The following RLN2 variants were observed in gnomAD, a reference collection of about 807,000 sequenced individuals.
RLN2 encodes relaxin 2.
Under a neutral mutation model 7.3 loss-of-function variants are expected in RLN2, and 10 were observed. The ratio of observed to expected loss-of-function variants is 1.36; its 90% CI spans 0.84 to 2.31. RLN2 has a LOEUF of 2.31. RLN2 is among the 30% of genes most tolerant of loss of function. RLN2 has a pLI of 0.00. For synonymous variants in RLN2, 103 were observed against 82.3 expected (o/e 1.25, Z -1.36); for missense variants, 298 against 217.6 (o/e 1.37, Z -2.32).
the RLN2 span, among the ~76,000 whole-genome samples, chr9:5,324,538 T>C: frequency 6.6e-6 from 1 of 152,030 alleles, no homozygotes; most frequent in Non-Finnish European, 1.5e-5. Flanking sequence ...TTCTAATTTG[T>C]CTTTGGTAAA....
At chr9:5,319,578 G>A in the RLN2 span, among the ~76,000 whole-genome samples, 2 of 152,064 alleles carry the variant, frequency 1.3e-5, no homozygotes, top group South Asian at 4.2e-4. Context: ...ACTAGGGTTT[G>A]GGTAAAGTTA....
chr9:5,329,895 C>T, the RLN2 span, among the ~76,000 whole-genome samples: 3 of 152,162 alleles, frequency 2.0e-5, no homozygotes, highest in South Asian at 4.1e-4. Flanking sequence ...GAACTCAGCT[C>T]TGCACCAAGC....
At chr9:5,324,263 T>G in the RLN2 span, among the ~76,000 whole-genome samples, 1 of 152,018 alleles carries the variant, frequency 6.6e-6, no homozygotes, top group African/African-American at 2.4e-5. Context: ...ACAGATAGAT[T>G]TTCCAAGAGA....
chr9:5,301,065 T>C (rs988857717), intron 1 of RLN2, among the ~76,000 whole-genome samples: 1 of 152,206 alleles, frequency 6.6e-6, no homozygotes, highest in Non-Finnish European at 1.5e-5. Context: ...ACAATAGTAT[T>C]TTATATGAAA....
the RLN2 span, among the ~76,000 whole-genome samples, chr9:5,333,466 G>T: frequency 1.3e-5 from 2 of 151,966 alleles, no homozygotes; most frequent in Non-Finnish European, 2.9e-5. Context: ...TCTCAAGACT[G>T]AACCAGGAAG....
At chr9:5,321,614 G>C in the RLN2 span, among the ~76,000 whole-genome samples, 4 of 151,976 alleles carry the variant, frequency 2.6e-5, no homozygotes, top group African/African-American at 9.7e-5. Context: ...GGGATGGAGG[G>C]AAGGGATGCA....
At chr9:5,336,142 G>C in the RLN2 span, among the ~76,000 whole-genome samples, 1 of 151,992 alleles carries the variant, frequency 6.6e-6, no homozygotes, top group Non-Finnish European at 1.5e-5. Context: ...TAATCAGCAG[G>C]AGAAGGAAAT....
the RLN2 span, among the ~76,000 whole-genome samples, chr9:5,324,628 T>A: frequency 2.6e-5 from 4 of 152,138 alleles, no homozygotes; most frequent in African/African-American, 9.6e-5. Context: ...AAATTTGTGT[T>A]TACTGAACAT....
the RLN2 span, among the ~76,000 whole-genome samples, chr9:5,331,866 G>T: frequency 2.4e-3 from 361 of 151,858 alleles, 11 homozygotes; most frequent in East Asian, 0.049. Context: ...CTCTTTGGAG[G>T]GCACAATTTT....
In RLN2 at chr9:5,300,165, T is replaced by C. The variant is rs1827126825; in HGVS notation, c.491A>G (p.Tyr164Cys). ...DTHSRKKRQL[Y>C]SALANKCCHV... ...GCAACATTTATTAGCCAATGCACTG[T>C]AGAGTTGTCTCTTTTTTCGAGAATG... The change falls in exon 2 of 2, where the codon TAC (tyrosine) becomes TGC (cysteine). Residue 164 changes from tyrosine (Y) to cysteine (C), a missense_variant. By Grantham distance (194) the Tyr-to-Cys change is radical. Coordinates refer to ENST00000381627, the MANE Select transcript of RLN2 (RefSeq NM_134441.3). 6.2e-7 allele frequency: 1 copy of C among 1,613,560 alleles called. No individual in the cohort carries two copies. Among genetic ancestry groups the C allele is most frequent in the Non-Finnish European group, 8.5e-7 (1 of 1,179,862 alleles).
the RLN2 span, among the ~76,000 whole-genome samples, chr9:5,313,644 T>C: frequency 6.6e-6 from 1 of 152,028 alleles, no homozygotes; most frequent in Non-Finnish European, 1.5e-5. Flanking sequence ...TCAAATCAGG[T>C]TCATTAATAT....
At chr9:5,320,553 T>G in the RLN2 span, among the ~76,000 whole-genome samples, 1 of 151,140 alleles carries the variant, frequency 6.6e-6, no homozygotes, top group Admixed American at 6.6e-5. Flanking sequence ...GTGTTTTTAG[T>G]AGAGATGGAG....
upstream of RLN2, among the ~76,000 whole-genome samples, chr9:5,305,788 T>C (rs1323501378): frequency 2.6e-5 from 4 of 152,066 alleles, no homozygotes; most frequent in South Asian, 2.1e-4. Context: ...GTTACAAACA[T>C]AACTATGGAA....
chr9:5,300,321 A>T lies in RLN2; in HGVS notation c.335T>A (p.Leu112Gln), dbSNP rs747155891. Residue 112 changes from leucine to glutamine, a missense_variant, in exon 2 of 2, where the codon CTA (leucine) becomes CAA (glutamine). Transcript: ENST00000381627. ...LSEMQPALPQ[L>Q]QQHVPVLKDS... ...TTTTAATACAGGTACATGTTGTTGT[A>T]GCTGTGGTAATGCTGGCTGCATCTC... The T allele has an allele frequency of 6.2e-7, 1 of 1,614,070 alleles. No individual in the cohort carries two copies. Among genetic ancestry groups the T allele is most frequent in the East Asian group, 2.2e-5 (1 of 44,868 alleles).
upstream of RLN2, among the ~76,000 whole-genome samples, chr9:5,309,429 T>G (rs1816308131): frequency 6.6e-6 from 1 of 151,990 alleles, no homozygotes; most frequent in Non-Finnish European, 1.5e-5. Flanking sequence ...TCTTCCTGTC[T>G]TCTCTCCAGG....
chr9:5,313,759 C>A, the RLN2 span, among the ~76,000 whole-genome samples: 2 of 151,926 alleles, frequency 1.3e-5, no homozygotes, highest in Non-Finnish European at 2.9e-5. Context: ...CAATACTCAC[C>A]ACCACCCTCC....
the RLN2 span, among the ~76,000 whole-genome samples, chr9:5,316,443 C>A: frequency 1.3e-5 from 2 of 151,900 alleles, no homozygotes; most frequent in Non-Finnish European, 2.9e-5. Context: ...CTCCCACTAG[C>A]CCCTCACCCC....
chr9:5,317,770 G>A, the RLN2 span, among the ~76,000 whole-genome samples: 2 of 151,874 alleles, frequency 1.3e-5, no homozygotes, highest in Non-Finnish European at 2.9e-5. Flanking sequence ...ATGTAAATTG[G>A]TCTGTGAACA....
chr9:5,326,007 T>A, the RLN2 span, among the ~76,000 whole-genome samples: 1 of 152,082 alleles, frequency 6.6e-6, no homozygotes, highest in Non-Finnish European at 1.5e-5. Flanking sequence ...TTTTTTAAAT[T>A]ACCACAGTTA....
Sources: gnomAD v4.1 joint callset for allele counts (sites outside exome capture counted in the v4.1 genomes callset) on GRCh38, gnomAD v4.1.1 for gene constraint, MANE v1.5 for transcripts, NCBI Gene and HGNC (gene_info 2026-07-23, HGNC 2026-07-21) for gene names.